CMIP: variants seen among roughly 807,000 people sequenced by gnomAD.
CMIP encodes the protein c-Maf inducing protein.
CMIP carries 13 observed loss-of-function variants against 97.3 expected under a neutral mutation model. The observed-to-expected ratio is 0.13, with a 90% CI of 0.09 to 0.21. The LOEUF is 0.21. Ranked by LOEUF, CMIP falls within the 10% of genes least tolerant of loss-of-function variation. CMIP has a pLI of 1.00. For missense variants in CMIP, 847 were observed against 1,024.9 expected, an observed-to-expected ratio of 0.83 and a Z score of 2.37; for synonymous variants, 538 against 436.3, an observed-to-expected ratio of 1.23 and a Z score of -2.91.
intron 1 of CMIP, among the ~76,000 whole-genome samples, chr16:81,447,014 C>T (rs915008857): frequency 6.6e-6 from 1 of 152,232 alleles, no homozygotes; most frequent in Non-Finnish European, 1.5e-5. Flanking sequence ...GCGGCCCAGT[C>T]CCCGGTCAGG....
intron 1 of CMIP, among the ~76,000 whole-genome samples, chr16:81,565,625 C>G (rs1225673655): frequency 6.6e-6 from 1 of 152,222 alleles, no homozygotes; most frequent in African/African-American, 2.4e-5. Context: ...GGTCCTAGTA[C>G]ACACATGGCA....
chr16:81,497,981 C>T (rs559226960), intron 1 of CMIP, among the ~76,000 whole-genome samples: 16 of 152,364 alleles, frequency 1.1e-4, no homozygotes, highest in African/African-American at 3.1e-4. Context: ...ATTCCTCTTC[C>T]GGGCACTAAG....
chr16:81,536,509 T>C (rs1234503090), intron 1 of CMIP, among the ~76,000 whole-genome samples: 1 of 152,360 alleles, frequency 6.6e-6, no homozygotes, highest in Non-Finnish European at 1.5e-5. Flanking sequence ...GTCCTAACCA[T>C]TTTTAAGTGT....
At chr16:81,692,862 C>A (rs1176006612) in intron 11 of CMIP, among the ~76,000 whole-genome samples, 2 of 152,214 alleles carry the variant, frequency 1.3e-5, no homozygotes, top group African/African-American at 2.4e-5. Context: ...AGCCCACATG[C>A]ACCCACACAT....
At chr16:81,484,229 T>G (rs2089278622) in intron 1 of CMIP, among the ~76,000 whole-genome samples, 1 of 152,200 alleles carries the variant, frequency 6.6e-6, no homozygotes, top group Admixed American at 6.5e-5. Flanking sequence ...CCATTCCTTC[T>G]GGCAAAGTCA....
intron 1 of CMIP, among the ~76,000 whole-genome samples, chr16:81,475,666 C>T (rs191926115): frequency 2.0e-5 from 3 of 152,176 alleles, no homozygotes; most frequent in Admixed American, 6.5e-5. Context: ...TCCTGAGCTA[C>T]AGAAGGAACG....
At chr16:81,705,400 A>T in intron 18 of CMIP, 99 bp from the exon 19 acceptor site, 2 of 848,138 alleles carry the variant, frequency 2.4e-6, no homozygotes. Flanking sequence ...CCTCAGAGCC[A>T]GGCTCTGTCC....
chr16:81,613,440 C>A (rs976635685), intron 2 of CMIP, among the ~76,000 whole-genome samples: 2 of 152,196 alleles, frequency 1.3e-5, no homozygotes, highest in South Asian at 4.1e-4. Flanking sequence ...GATCCTTAGA[C>A]TCTAACTAGC....
At chr16:81,612,422 C>T (rs561987244) in intron 2 of CMIP, among the ~76,000 whole-genome samples, 4 of 152,290 alleles carry the variant, frequency 2.6e-5, no homozygotes, top group East Asian at 3.9e-4. Flanking sequence ...ACATTGGCAG[C>T]AGGGCAGGGA....
At chr16:81,693,690 C>G (rs534656093) in intron 13 of CMIP, among the ~76,000 whole-genome samples, 2 of 152,300 alleles carry the variant, frequency 1.3e-5, no homozygotes, top group Admixed American at 1.3e-4. Context: ...GCCGGCTCAC[C>G]GGGGGTGGTT....
chr16:81,592,130 T>C (rs1166029865), intron 1 of CMIP, among the ~76,000 whole-genome samples: 1 of 152,194 alleles, frequency 6.6e-6, no homozygotes, highest in Non-Finnish European at 1.5e-5. Context: ...GGCTGCAGTT[T>C]ACTGTTTATA....
At chr16:81,531,037 A>T (rs1350126567) in intron 1 of CMIP, among the ~76,000 whole-genome samples, 1 of 152,192 alleles carries the variant, frequency 6.6e-6, no homozygotes. Flanking sequence ...AGGCACGTTT[A>T]CGCTGTAGTC....
chr16:81,689,342 T>C (rs1905792081), intron 10 of CMIP, among the ~76,000 whole-genome samples: 1 of 152,236 alleles, frequency 6.6e-6, no homozygotes, highest in Non-Finnish European at 1.5e-5. Context: ...TTTTTAATGA[T>C]CGCCATTCTA....
chr16:81,499,794 C>T (rs2089562106), intron 1 of CMIP, among the ~76,000 whole-genome samples: 1 of 152,204 alleles, frequency 6.6e-6, no homozygotes, highest in African/African-American at 2.4e-5. Flanking sequence ...GTTTTGGGGG[C>T]GGCAGCTCCG....
At position 81,558,152 on chromosome 16, in the gene CMIP, G is replaced by T. The variant is rs115744906; in HGVS notation, c.301-49415G>T. Reference sequence around the variant, plus strand: ...TTCTCTTTTATGGCAATATTCCATTGTCTGTGTATGCTGCACCATGCTTCT... The same window carrying T: ...TTCTCTTTTATGGCAATATTCCATTTTCTGTGTATGCTGCACCATGCTTCT... On this transcript the variant is annotated intron_variant, in intron 1 of 20. Transcript: ENST00000537098. 3.9e-3 allele frequency among the ~76,000 whole-genome samples: 592 copies of T among 152,244 alleles called. 7 individuals are homozygous for T. The highest frequency in any genetic ancestry group is 0.014 in the African/African-American group (561 of 41,534).
chr16:81,673,517 A>G (rs1206714556), intron 9 of CMIP, among the ~76,000 whole-genome samples: 2 of 149,836 alleles, frequency 1.3e-5, no homozygotes, highest in African/African-American at 4.9e-5. Context: ...CTCCTTCTCA[A>G]AAATAAATAA....
chr16:81,707,230 A>G, intron 20 of CMIP, 146 bp downstream of exon 20: 1 of 709,432 alleles, frequency 1.4e-6, no homozygotes. Flanking sequence ...CAGATCAAAA[A>G]GAGTGACAAA....
chr16:81,506,697 G>A (rs753936413), intron 1 of CMIP, among the ~76,000 whole-genome samples: 8 of 152,222 alleles, frequency 5.3e-5, no homozygotes, highest in Non-Finnish European at 7.3e-5. Context: ...GGCGGATCAC[G>A]AGGTCAGGAG....
At chr16:81,511,361 A>G (rs1319148611) in intron 1 of CMIP, among the ~76,000 whole-genome samples, 1 of 152,184 alleles carries the variant, frequency 6.6e-6, no homozygotes, top group Non-Finnish European at 1.5e-5. Flanking sequence ...CATGATTTTT[A>G]CTATTGGTTT....
Sources: gnomAD v4.1 joint callset for allele counts (sites outside exome capture counted in the v4.1 genomes callset) on GRCh38, gnomAD v4.1.1 for gene constraint, MANE v1.5 for transcripts, NCBI Gene and HGNC (gene_info 2026-07-23, HGNC 2026-07-21) for gene names.